The following ANKS1B variants were observed in gnomAD, a reference collection of about 807,000 sequenced individuals.
ANKS1B encodes the protein ankyrin repeat and sterile alpha motif domain containing 1B.
Under a neutral mutation model 148.3 loss-of-function variants are expected in ANKS1B, and 36 were observed. The observed-to-expected ratio is 0.24, with a 90% CI of 0.19 to 0.32. The LOEUF is 0.32. Ranked by LOEUF, ANKS1B falls within the 10% of genes least tolerant of loss-of-function variation. The probability of loss-of-function intolerance (pLI) is 1.00; values close to 1 mark genes in which losing one functional copy is unlikely to be tolerated. For missense variants in ANKS1B, 1,157 were observed against 1,542.6 expected, an observed-to-expected ratio of 0.75 and a Z score of 4.19; for synonymous variants, 542 against 560.8, an observed-to-expected ratio of 0.97 and a Z score of 0.47.
chr12:99,872,215 T>G (rs2091603551), intron 1 of ANKS1B, among the ~76,000 whole-genome samples: 1 of 152,122 alleles, frequency 6.6e-6, no homozygotes, highest in Admixed American at 6.6e-5. Context: ...AACCTAGCAA[T>G]ACCATTTTTA....
intron 17 of ANKS1B, among the ~76,000 whole-genome samples, chr12:98,960,212 C>G (rs1046184913): frequency 1.3e-5 from 2 of 152,218 alleles, no homozygotes; most frequent in African/African-American, 4.8e-5. Context: ...TCTGACCTAG[C>G]ACAGTCCCAA....
intron 12 of ANKS1B, among the ~76,000 whole-genome samples, chr12:99,353,382 G>A (rs1422498947): frequency 6.6e-6 from 1 of 151,912 alleles, no homozygotes; most frequent in Non-Finnish European, 1.5e-5. Flanking sequence ...AAATGGCACT[G>A]GCTATTACTA....
chr12:99,203,427 C>A (rs2082291918), intron 14 of ANKS1B, among the ~76,000 whole-genome samples: 1 of 151,926 alleles, frequency 6.6e-6, no homozygotes, highest in South Asian at 2.1e-4. Flanking sequence ...CTGATGCTTT[C>A]AGGTTCTGTT....
At chr12:99,118,820 C>T (rs908438725) in intron 15 of ANKS1B, among the ~76,000 whole-genome samples, 12 of 152,102 alleles carry the variant, frequency 7.9e-5, no homozygotes, top group African/African-American at 2.9e-4. Flanking sequence ...ATTTGAAATT[C>T]ACTGATCTTC....
At chr12:99,343,059 G>A (rs572704315) in intron 12 of ANKS1B, among the ~76,000 whole-genome samples, 1 of 152,084 alleles carries the variant, frequency 6.6e-6, no homozygotes, top group South Asian at 2.1e-4. Flanking sequence ...TCAGTAGGCA[G>A]AATCCTCAAA....
intron 9 of ANKS1B, among the ~76,000 whole-genome samples, chr12:99,610,283 T>C (rs1397995676): frequency 6.6e-6 from 1 of 151,974 alleles, no homozygotes; most frequent in East Asian, 1.9e-4. Context: ...GACCTAATGG[T>C]AATAGACTGA....
intron 12 of ANKS1B, among the ~76,000 whole-genome samples, chr12:99,306,867 T>C (rs2082418838): frequency 6.6e-6 from 1 of 152,126 alleles, no homozygotes. Flanking sequence ...TTTATATTTA[T>C]CCTTAGTAAA....
chr12:99,515,674 G>C (rs1434237804), intron 9 of ANKS1B, among the ~76,000 whole-genome samples: 1 of 151,868 alleles, frequency 6.6e-6, no homozygotes, highest in Non-Finnish European at 1.5e-5. Context: ...TTTTCCTTTG[G>C]GGGTGGGGGG....
At chr12:98,790,553 C>T (rs1333379809) in intron 22 of ANKS1B, among the ~76,000 whole-genome samples, 3 of 152,218 alleles carry the variant, frequency 2.0e-5, no homozygotes, top group East Asian at 3.9e-4. Flanking sequence ...AAACTCCTGG[C>T]CCCAAGAGAT....
chr12:99,471,540 G>A (rs966926654), intron 10 of ANKS1B, among the ~76,000 whole-genome samples: 10 of 151,886 alleles, frequency 6.6e-5, no homozygotes, highest in Non-Finnish European at 1.3e-4. Context: ...GCTATGATGA[G>A]GAACATCCCC....
chr12:99,967,944 G>T (rs1394216106), intron 1 of ANKS1B, among the ~76,000 whole-genome samples: 1 of 151,612 alleles, frequency 6.6e-6, no homozygotes, highest in Non-Finnish European at 1.5e-5. Context: ...AAAGAAAAAT[G>T]GAGATCTATG....
intron 12 of ANKS1B, among the ~76,000 whole-genome samples, chr12:99,254,070 C>T (rs180890255): frequency 3.0e-4 from 46 of 152,272 alleles, no homozygotes; most frequent in African/African-American, 1.1e-3. Context: ...ACTAAGGAGA[C>T]ATTACAACTA....
intron 10 of ANKS1B, among the ~76,000 whole-genome samples, chr12:99,503,425 CTG>C (rs963820323): frequency 2.6e-5 from 4 of 152,180 alleles, no homozygotes; most frequent in Non-Finnish European, 5.9e-5. Flanking sequence ...GAAGCAAGGT[CTG>C]TGTTTCCCTA....
At chr12:99,319,864 G>T (rs1435666776) in intron 12 of ANKS1B, among the ~76,000 whole-genome samples, 1 of 152,170 alleles carries the variant, frequency 6.6e-6, no homozygotes, top group East Asian at 1.9e-4. Flanking sequence ...GCTTCCTTCA[G>T]GAGCTCCTGT....
intron 8 of ANKS1B, among the ~76,000 whole-genome samples, chr12:99,719,382 C>T (rs1025962528): frequency 6.6e-6 from 1 of 152,138 alleles, no homozygotes; most frequent in Admixed American, 6.5e-5. Flanking sequence ...TGATACCACA[C>T]CTGACCCCCA....
chr12:98,797,176 C>T (rs1457194278), intron 22 of ANKS1B, among the ~76,000 whole-genome samples: 4 of 152,108 alleles, frequency 2.6e-5, no homozygotes, highest in Admixed American at 6.5e-5. Flanking sequence ...ATTTAGAATA[C>T]AAGATTTCCA....
chr12:98,878,639 A>T (rs79567714), intron 17 of ANKS1B, among the ~76,000 whole-genome samples: 5,077 of 152,252 alleles, frequency 0.033, 193 homozygotes, highest in African/African-American at 0.094. Flanking sequence ...GGAAGAGAGC[A>T]GGGAAAGCTG....
At chr12:99,557,316 A>G (rs2097288169) in intron 9 of ANKS1B, among the ~76,000 whole-genome samples, 3 of 152,182 alleles carry the variant, frequency 2.0e-5, no homozygotes. Flanking sequence ...AATGGGTCAT[A>G]GATTTGGTCT....
chr12:99,616,952 A>C lies in ANKS1B; in HGVS notation c.1272+38115T>G, dbSNP rs535858541. 4.1e-4 allele frequency among the ~76,000 whole-genome samples: 63 copies of C among 152,304 alleles called. 1 individual carries two copies. Among genetic ancestry groups the C allele is most frequent in the Middle Eastern group, 3.4e-3 (1 of 294 alleles). ...TTAAACAAATTTACAAGAAAAAAAAACAAACAACCCCATCAAAAAGTGGGT... is the reference window on the plus strand; with the variant it reads ...TTAAACAAATTTACAAGAAAAAAAACCAAACAACCCCATCAAAAAGTGGGT... On this transcript the variant is annotated intron_variant, in intron 9 of 26. Transcript: ENST00000683438.
Sources: gnomAD v4.1 joint callset for allele counts (sites outside exome capture counted in the v4.1 genomes callset) on GRCh38, gnomAD v4.1.1 for gene constraint, MANE v1.5 for transcripts, NCBI Gene and HGNC (gene_info 2026-07-23, HGNC 2026-07-21) for gene names.